The following HELZ variants were observed in gnomAD, a reference collection of about 807,000 sequenced individuals.
The protein encoded by HELZ is ATP-dependent RNA helicase with zinc finger domain.
Under a neutral mutation model 218.2 loss-of-function variants are expected in HELZ, and 23 were observed. The ratio of observed to expected loss-of-function variants is 0.11; its 90% CI spans 0.08 to 0.15. HELZ has a LOEUF of 0.15. Among genes scored for constraint, HELZ ranks in the 10% least tolerant of loss-of-function variants. HELZ has a pLI of 1.00. For missense variants in HELZ, 1,813 were observed against 2,353.7 expected (o/e 0.77, Z 4.75); for synonymous variants, 814 against 829.4 (o/e 0.98, Z 0.32).
intron 23 of HELZ, among the ~76,000 whole-genome samples, chr17:67,131,330 C>G (rs559443131): frequency 6.6e-6 from 1 of 152,062 alleles, no homozygotes; most frequent in African/African-American, 2.4e-5. Flanking sequence ...TGACCTTGAC[C>G]GCAATGAACA....
chr17:67,114,430 A>G, intron 27 of HELZ, 27 bp from the exon 28 acceptor site: 1 of 1,400,674 alleles, frequency 7.1e-7, no homozygotes, highest in Non-Finnish European at 1.0e-6. Context: ...AAATCCTTAT[A>G]AGTTTTCTCC....
chr17:67,149,758 A>G (rs3213754), intron 19 of HELZ, 109 bp downstream of exon 19: 196,748 of 584,456 alleles, frequency 0.34, 37,610 homozygotes, highest in East Asian at 0.68. Flanking sequence ...TTGAAGTACT[A>G]AAGTTATAAT....
chr17:67,103,573 A>T (rs1170729248), intron 31 of HELZ, among the ~76,000 whole-genome samples: 1 of 152,202 alleles, frequency 6.6e-6, no homozygotes, highest in Non-Finnish European at 1.5e-5. Flanking sequence ...ATTACAAAAT[A>T]CTGTTGAAAG....
rs1313988223 is a variant in HELZ at position 67,104,907 on chromosome 17, TC to T, written c.5241+2261del. Reference sequence around the variant, plus strand: ...GAGGCTGGGGGCGGATCACCTGAGGTCAGGAGTTTGAGACCAGCCTGGCCAA... The same window carrying T: ...GAGGCTGGGGGCGGATCACCTGAGGTAGGAGTTTGAGACCAGCCTGGCCAA... On this transcript the variant is annotated intron_variant, in intron 31 of 32. Coordinates refer to ENST00000358691, the MANE Select transcript of HELZ (RefSeq NM_014877.4). 7.9e-5 allele frequency among the ~76,000 whole-genome samples: 12 copies of T among 152,176 alleles called. No individual in the cohort carries two copies. The South Asian group carries it at 1.7e-3, about 21-fold the overall frequency.
intron 29 of HELZ, 110 bp downstream of exon 29, chr17:67,109,006 G>T: frequency 1.1e-6 from 1 of 921,300 alleles, no homozygotes; most frequent in Non-Finnish European, 1.6e-6. Context: ...GGGGGGTTTT[G>T]CTAGCATTAT....
intron 18 of HELZ, 190 bp from the exon 19 acceptor site, chr17:67,150,175 T>G: frequency 2.5e-6 from 1 of 396,580 alleles, no homozygotes. Context: ...TCACTCTGTC[T>G]CCCAGGCTGG....
intron 13 of HELZ, among the ~76,000 whole-genome samples, chr17:67,172,299 G>A (rs546725179): frequency 1.3e-5 from 2 of 152,288 alleles, no homozygotes; most frequent in East Asian, 1.9e-4. Context: ...CTCCAGTGCA[G>A]TGCTGAGCAC....
At chr17:67,175,767 G>A (rs906047488) in intron 13 of HELZ, among the ~76,000 whole-genome samples, 2 of 152,144 alleles carry the variant, frequency 1.3e-5, no homozygotes, top group African/African-American at 2.4e-5. Context: ...GTAACTACTT[G>A]TCACATGTTA....
chr17:67,128,035 C>A (rs2037857418), intron 24 of HELZ, among the ~76,000 whole-genome samples: 1 of 152,088 alleles, frequency 6.6e-6, no homozygotes, highest in South Asian at 2.1e-4. Context: ...GGCACTCTAG[C>A]AAATAAGCCG....
At chr17:67,225,449 C>CA (rs1294594066) in intron 3 of HELZ, 2 of 154,414 alleles carry the variant, frequency 1.3e-5, no homozygotes, top group African/African-American at 4.8e-5. Flanking sequence ...AGTAAAAACT[C>CA]AAAGTCCAGC....
At chr17:67,161,923 G>C (rs532314006) in intron 15 of HELZ, among the ~76,000 whole-genome samples, 3 of 152,216 alleles carry the variant, frequency 2.0e-5, no homozygotes, top group African/African-American at 7.2e-5. Flanking sequence ...AACAACTATG[G>C]TAAAAATGAG....
chr17:67,120,269 G>A (rs909580809), intron 27 of HELZ, 136 bp downstream of exon 27: 1 of 714,362 alleles, frequency 1.4e-6, no homozygotes, highest in South Asian at 1.8e-5. Flanking sequence ...CTCCCAAAGT[G>A]CTGGTAGATT....
At position 67,072,663 on chromosome 17, in the gene HELZ, G is replaced by C. The variant is rs1036781658; in HGVS notation, c.*5589C>G. 6.6e-6 allele frequency: 1 copy of C among 152,266 alleles called. No homozygotes were observed. The highest frequency in any genetic ancestry group is 2.4e-5 in the African/African-American group (1 of 41,454). 9.4% of individuals were successfully genotyped at this position (152,266 alleles called of 1,614,324 possible). On this transcript the variant is annotated 3_prime_UTR_variant, in exon 33 of 33. Coordinates refer to ENST00000358691, the MANE Select transcript of HELZ (RefSeq NM_014877.4). ...GCAGTGCAGACCCCAGCAGGGGTGA[G>C]AGTGAGGAGGGGTGGTGGCCAATCC...
At chr17:67,186,857 A>C (rs2039769733) in intron 12 of HELZ, among the ~76,000 whole-genome samples, 1 of 152,216 alleles carries the variant, frequency 6.6e-6, no homozygotes, top group African/African-American at 2.4e-5. Flanking sequence ...ATGATTTAAA[A>C]AGGATGCTGC....
rs1182791326 is a variant in HELZ, at chr17:67,072,783, C to G, written c.*5469G>C. The G allele has an allele frequency of 6.6e-6, 1 of 152,172 alleles. No individual in the cohort carries two copies. The highest frequency in any genetic ancestry group is 1.5e-5 in the Non-Finnish European group (1 of 68,040). The allele number at this position is 152,172 out of a possible 1,614,324, so 9.4% of individuals were successfully genotyped here. A position where few individuals can be genotyped will look rare whatever the true frequency, so the allele number is the denominator to read the frequency against. On this transcript the variant is annotated 3_prime_UTR_variant, in exon 33 of 33. Coordinates refer to ENST00000358691, the MANE Select transcript of HELZ (RefSeq NM_014877.4). ...TGTCTCCAGAGATCAGTTTTTTACACTGAGTAAATAAATACATGGTTGAAA... is the reference window on the plus strand; with the variant it reads ...TGTCTCCAGAGATCAGTTTTTTACAGTGAGTAAATAAATACATGGTTGAAA...
chr17:67,104,393 G>A (rs1483462901), intron 31 of HELZ, among the ~76,000 whole-genome samples: 1 of 151,414 alleles, frequency 6.6e-6, no homozygotes, highest in East Asian at 1.9e-4. Context: ...GAGCCGAGAT[G>A]GCGCCACTGC....
At chr17:67,133,618 G>A (rs2038055370) in intron 23 of HELZ, among the ~76,000 whole-genome samples, 1 of 152,008 alleles carries the variant, frequency 6.6e-6, no homozygotes, top group Non-Finnish European at 1.5e-5. Flanking sequence ...GGGCTCAAAC[G>A]ATCCTCCCAC....
rs139016691 is a variant in HELZ at position 67,104,438 on chromosome 17, CA to C, written c.5241+2730del. On this transcript the variant is annotated intron_variant, in intron 31 of 32. Transcript: ENST00000358691. ...TGTGCAACAGAGCGAGACGCCATTT[CA>C]AAAAAAAAAACAAACAACTATAAAA... 1.6e-3 allele frequency among the ~76,000 whole-genome samples: 189 copies of C among 120,300 alleles called. 2 individuals carry two copies. Among genetic ancestry groups the C allele is most frequent in the African/African-American group, 6.7e-3 (178 of 26,416 alleles). 78.9% of individuals were successfully genotyped at this position (120,300 alleles called of 152,430 possible).
At chr17:67,203,171 C>CTATA in intron 6 of HELZ, 148 bp downstream of exon 6, 1 of 710,626 alleles carries the variant, frequency 1.4e-6, no homozygotes, top group South Asian at 2.0e-5. Flanking sequence ...AAAATGGGTA[C>CTATA]TATATCTCAG....
Sources: allele counts gnomAD v4.1 joint callset (sites outside exome capture counted in the v4.1 genomes callset), GRCh38; gene constraint gnomAD v4.1.1; transcripts MANE v1.5; gene names NCBI Gene and HGNC (gene_info 2026-07-23, HGNC 2026-07-21).